Variants in ARHGAP21 observed in about 807,000 individuals in gnomAD.
ARHGAP21 encodes the protein Rho GTPase activating protein 21, also known as rho GTPase-activating protein 21.
Under a neutral mutation model 164.6 loss-of-function variants are expected in ARHGAP21, and 38 were observed. The ratio of observed to expected loss-of-function variants is 0.23; its 90% CI spans 0.18 to 0.30. The LOEUF (loss-of-function observed/expected upper bound fraction) is 0.30, where lower values mean the gene tolerates loss of function less well. Among genes scored for constraint, ARHGAP21 ranks in the 10% least tolerant of loss-of-function variants. ARHGAP21 has a pLI of 1.00. For synonymous variants in ARHGAP21, 766 were observed against 857.9 expected (o/e 0.89, Z 1.87); for missense variants, 1,822 against 2,370.7 (o/e 0.77, Z 4.81).
At chr10:24,723,150 G>A (rs1360649687) in intron 1 of ARHGAP21, 2 of 151,380 alleles carry the variant, frequency 1.3e-5, no homozygotes, top group African/African-American at 2.4e-5. Flanking sequence ...AAAACCGGGG[G>A]CCTTACCCTT....
At position 24,620,225 on chromosome 10, in the gene ARHGAP21, T is replaced by C. The variant is rs375883551; in HGVS notation, c.1670A>G (p.Asn557Ser). 13 of 1,613,842 alleles carry C rather than the reference T, an allele frequency of 8.1e-6. No homozygotes were observed. The highest frequency in any genetic ancestry group is 6.7e-5 in the African/African-American group (5 of 74,920). ...AACAACGCTTGGAGCCACAGTAAAA[T>C]TGGAACCTCGAAAAGATTTATGAAT... Reference protein sequence around the residue: ...QEIHKSFRGSNFTVAPSVVNS... With the variant: ...QEIHKSFRGSSFTVAPSVVNS... The change falls in exon 9 of 26, where the codon AAT becomes AGT. Residue 557 changes from asparagine (N) to serine (S), a missense_variant. Physicochemically the swap from Asn to Ser is conservative, Grantham distance 46. Transcript: ENST00000396432.
At chr10:24,655,022 G>A (rs1217051842) in intron 4 of ARHGAP21, among the ~76,000 whole-genome samples, 1 of 152,192 alleles carries the variant, frequency 6.6e-6, no homozygotes, top group Non-Finnish European at 1.5e-5. Flanking sequence ...AATGGGGAAA[G>A]GATTCCCTAT....
rs897843809 is a variant in ARHGAP21, at chr10:24,606,766, G to A, written c.2684+733C>T. Among the ~76,000 whole-genome samples, 23 of 152,220 alleles carry A rather than the reference G, an allele frequency of 1.5e-4. 1 individual carries two copies. The highest frequency in any genetic ancestry group is 1.2e-3 in the South Asian group (6 of 4,818). On this transcript the variant is annotated intron_variant, in intron 11 of 25. Coordinates refer to ENST00000396432, the MANE Select transcript of ARHGAP21 (RefSeq NM_020824.4). ...TGACGCAGGAGAATCGCTTGAACCC[G>A]GGAGGTGGAGGCTGCAGTGAGCCGA...
chr10:24,622,485 T>TATAC (rs1834675647), intron 8 of ARHGAP21, among the ~76,000 whole-genome samples: 2 of 123,396 alleles, frequency 1.6e-5, no homozygotes, highest in Non-Finnish European at 3.4e-5. Context: ...TATATATATA[T>TATAC]ACTGATGCAG....
At chr10:24,604,277 T>C (rs750214579) in intron 12 of ARHGAP21, 35 bp downstream of exon 12, 24 of 1,466,128 alleles carry the variant, frequency 1.6e-5, no homozygotes, top group Non-Finnish European at 1.8e-5. Flanking sequence ...TATGAAGAGA[T>C]AAACTAAGGT....
chr10:24,622,324 C>T (rs1834621107), intron 8 of ARHGAP21, among the ~76,000 whole-genome samples: 1 of 151,334 alleles, frequency 6.6e-6, no homozygotes, highest in African/African-American at 2.4e-5. Context: ...TAACTCAAGA[C>T]TATCATCACA....
rs576664400 is a variant in ARHGAP21 at position 24,583,643 on chromosome 10, T to A, written c.*769A>T. 6.5e-6 allele frequency: 1 copy of A among 152,730 alleles called. No individual in the cohort carries two copies. The highest frequency in any genetic ancestry group is 2.4e-5 in the African/African-American group (1 of 41,568). 9.5% of individuals were successfully genotyped at this position (152,730 alleles called of 1,614,324 possible). A position where few individuals can be genotyped will look rare whatever the true frequency, so the allele number is the denominator to read the frequency against. On this transcript the variant is annotated 3_prime_UTR_variant, in exon 26 of 26. Transcript: ENST00000396432. ...CCAAAACAATTTTTATTTCCAGTGT[T>A]TAATTGGGTATGCACACAGGCATGA...
At chr10:24,641,169 G>A (rs1241810944) in intron 4 of ARHGAP21, among the ~76,000 whole-genome samples, 1 of 152,146 alleles carries the variant, frequency 6.6e-6, no homozygotes, top group African/African-American at 2.4e-5. Context: ...TATCTTAAGA[G>A]TCTAACAGAG....
intron 4 of ARHGAP21, among the ~76,000 whole-genome samples, chr10:24,638,995 T>A (rs538167698): frequency 6.6e-6 from 1 of 152,196 alleles, no homozygotes; most frequent in African/African-American, 2.4e-5. Context: ...TATGATCAGT[T>A]GGGGGAAAAA....
intron 16 of ARHGAP21, 114 bp from the exon 17 acceptor site, chr10:24,596,996 AT>A: frequency 8.7e-7 from 1 of 1,150,190 alleles, no homozygotes; most frequent in Non-Finnish European, 1.2e-6. Context: ...TGTAATATAA[AT>A]AATACATCCT....
At chr10:24,656,279 G>C (rs71491195) in intron 4 of ARHGAP21, among the ~76,000 whole-genome samples, 1 of 101,932 alleles carries the variant, frequency 9.8e-6, no homozygotes, top group African/African-American at 4.4e-5. Context: ...CTGCCCGGCC[G>C]CCCCTACTGG....
At chr10:24,646,775 T>C (rs1037473187) in intron 4 of ARHGAP21, among the ~76,000 whole-genome samples, 2 of 152,066 alleles carry the variant, frequency 1.3e-5, no homozygotes, top group African/African-American at 4.8e-5. Context: ...AAGAAACCAT[T>C]ATACAATGAT....
In ARHGAP21 at chr10:24,721,875, G is replaced by C; in HGVS notation, c.25C>G (p.Leu9Val). Reference protein sequence around the residue: MMATRRTGLSEGDGDKLKA... With the variant: MMATRRTGVSEGDGDKLKA... ...AGCTTGTCACCATCTCCCTCAGACA[G>C]ACCAGTCCGACGCGTGGCCATCATT... The change falls in exon 2 of 26, where the codon CTG becomes GTG. Residue 9 changes from leucine to valine, a missense_variant. Leu to Val is a conservative substitution (Grantham distance 32). Coordinates refer to ENST00000396432, the MANE Select transcript of ARHGAP21 (RefSeq NM_020824.4). 2 of 1,614,234 alleles carry C rather than the reference G, an allele frequency of 1.2e-6. No individual in the cohort carries two copies. Among genetic ancestry groups the C allele is most frequent in the Non-Finnish European group, 1.7e-6 (2 of 1,180,048 alleles).
intron 9 of ARHGAP21, among the ~76,000 whole-genome samples, chr10:24,615,509 A>G (rs565723666): frequency 1.2e-4 from 19 of 152,344 alleles, no homozygotes; most frequent in African/African-American, 4.6e-4. Context: ...ATGATTTTTC[A>G]AGCTAAGATT....
At chr10:24,679,711 AATG>A (rs963411300) in intron 2 of ARHGAP21, among the ~76,000 whole-genome samples, 1 of 152,174 alleles carries the variant, frequency 6.6e-6, no homozygotes, top group Non-Finnish European at 1.5e-5. Flanking sequence ...CCTTATGGCA[AATG>A]ATGATGAGTA....
intron 2 of ARHGAP21, among the ~76,000 whole-genome samples, chr10:24,702,294 C>T (rs1229598054): frequency 6.6e-6 from 1 of 151,510 alleles, no homozygotes; most frequent in African/African-American, 2.4e-5. Context: ...TCACGCCTGG[C>T]TAATTTTTTT....
intron 4 of ARHGAP21, among the ~76,000 whole-genome samples, chr10:24,638,948 A>G (rs943688569): frequency 2.6e-5 from 4 of 152,228 alleles, no homozygotes. Context: ...TACACTTGAA[A>G]TCAGAAAGAA....
At chr10:24,586,168 C>A in intron 25 of ARHGAP21, 62 bp from the exon 26 acceptor site, 1 of 1,478,130 alleles carries the variant, frequency 6.8e-7, no homozygotes, top group South Asian at 1.4e-5. Context: ...CATTTTCTGA[C>A]AAGCTTGTCT....
At chr10:24,590,629 A>C in intron 24 of ARHGAP21, 1 of 1,403,312 alleles carries the variant, frequency 7.1e-7, no homozygotes, top group Non-Finnish European at 9.2e-7. Flanking sequence ...GTTTTCATCA[A>C]AAGAGCCTAG....
Sources: allele counts gnomAD v4.1 joint callset (sites outside exome capture counted in the v4.1 genomes callset), GRCh38; gene constraint gnomAD v4.1.1; transcripts MANE v1.5; gene names NCBI Gene and HGNC (gene_info 2026-07-23, HGNC 2026-07-21).